IL1RAPL2: variants seen among roughly 807,000 people sequenced by gnomAD.
IL1RAPL2 encodes the protein X-linked interleukin-1 receptor accessory protein-like 2.
In IL1RAPL2, 3 loss-of-function variants were observed where a neutral mutation model predicts 44.1. The observed-to-expected ratio is 0.07, with a 90% confidence interval of 0.03 to 0.18. The LOEUF is 0.18. IL1RAPL2 is among the 10% of genes least tolerant of loss of function. The pLI, the probability that IL1RAPL2 is intolerant of heterozygous loss-of-function variation, is 1.00. For synonymous variants in IL1RAPL2, 181 were observed against 178.8 expected (o/e 1.01, Z -0.10); for missense variants, 391 against 496.4 (o/e 0.79, Z 2.02).
rs190063750 is a variant in IL1RAPL2, at chrX:105,025,742, C to T, written c.83-169733C>T. 2.9e-3 allele frequency among the ~76,000 whole-genome samples: 325 copies of T among 111,353 alleles called. 1 individual carries two copies. The highest frequency in any genetic ancestry group is 3.0e-3 in the Non-Finnish European group (158 of 52,886). On this transcript the variant is annotated intron_variant, in intron 2 of 10. Transcript: ENST00000372582. ...ATGCCTGTCAGTGTTTCTTGTAGTG[C>T]TTCCCTTTTTAAGGAATCCATTAAC...
chrX:105,652,674 C>T lies in IL1RAPL2; in HGVS notation c.773-64693C>T, dbSNP rs17347118. 5.9e-3 allele frequency among the ~76,000 whole-genome samples: 662 copies of T among 111,310 alleles called. 17 individuals are homozygous for T. The highest frequency in any genetic ancestry group is 0.046 in the Admixed American group (474 of 10,395). On this transcript the variant is annotated intron_variant, in intron 6 of 10. Coordinates refer to ENST00000372582, the MANE Select transcript of IL1RAPL2 (RefSeq NM_017416.2). ...AAGAGACCTTTTTTAACCAGTTGAA[C>T]TCCAGTAATGCCCCCTTCTCTGAAC...
chrX:105,654,734 A>G (rs779110939), intron 6 of IL1RAPL2, among the ~76,000 whole-genome samples: 1 of 111,890 alleles, frequency 8.9e-6, no homozygotes, highest in Non-Finnish European at 1.9e-5. Context: ...AACCAAAGTC[A>G]TGTTTCTGGC....
At chrX:105,453,189 A>G (rs1465698638) in intron 5 of IL1RAPL2, among the ~76,000 whole-genome samples, 1 of 111,800 alleles carries the variant, frequency 8.9e-6, no homozygotes, top group Non-Finnish European at 1.9e-5. Context: ...CCATCAATCA[A>G]AGGTCTTATA....
At chrX:105,269,554 A>G (rs1603041144) in intron 5 of IL1RAPL2, among the ~76,000 whole-genome samples, 1 of 111,623 alleles carries the variant, frequency 9.0e-6, no homozygotes, top group Admixed American at 9.6e-5. Context: ...AGCTTTCAAA[A>G]TAACTACCAT....
In IL1RAPL2 at chrX:104,579,245, G is replaced by A. The variant is rs145472266; in HGVS notation, c.-20+12194G>A. 5.3e-3 allele frequency among the ~76,000 whole-genome samples: 590 copies of A among 111,432 alleles called. 5 individuals are homozygous for A. Among genetic ancestry groups the A allele is most frequent in the African/African-American group, 0.018 (556 of 30,667 alleles). On this transcript the variant is annotated intron_variant, in intron 1 of 10. Coordinates refer to ENST00000372582, the MANE Select transcript of IL1RAPL2 (RefSeq NM_017416.2). ...ATTCAACTCAGCAATTCCATTACTG[G>A]GTACATGCCCAAAGAAATATAAATC...
At chrX:105,405,506 G>A in intron 5 of IL1RAPL2, 1 of 440,567 alleles carries the variant, frequency 2.3e-6, no homozygotes, top group Non-Finnish European at 4.1e-6. Flanking sequence ...TGAATCCCAG[G>A]TTTTAGCCAA....
intron 5 of IL1RAPL2, among the ~76,000 whole-genome samples, chrX:105,321,520 AG>A (rs2034897339): frequency 8.9e-6 from 1 of 112,445 alleles, no homozygotes; most frequent in Non-Finnish European, 1.9e-5. Flanking sequence ...CATTAAACCA[AG>A]CACAGGGCCC....
chrX:104,848,455 TAAAC>T (rs1264324545), intron 2 of IL1RAPL2, among the ~76,000 whole-genome samples: 4 of 88,747 alleles, frequency 4.5e-5, no homozygotes, highest in South Asian at 5.8e-4. Context: ...ATATATAACT[TAAAC>T]AATCTCTCTT....
At chrX:105,524,285 TATCAC>T (rs977008875) in intron 6 of IL1RAPL2, among the ~76,000 whole-genome samples, 1 of 111,289 alleles carries the variant, frequency 9.0e-6, no homozygotes, top group African/African-American at 3.3e-5. Context: ...TTATTCAATC[TATCAC>T]AACATTTGAA....
At chrX:104,616,047 G>A (rs373718823) in intron 1 of IL1RAPL2, among the ~76,000 whole-genome samples, 2 of 104,244 alleles carry the variant, frequency 1.9e-5, no homozygotes, top group East Asian at 2.8e-4. Context: ...TGTCTGTTCA[G>A]GTCCTTTGCC....
At chrX:105,640,685 TATATATAC>T (rs1196856104) in intron 6 of IL1RAPL2, among the ~76,000 whole-genome samples, 1 of 91,537 alleles carries the variant, frequency 1.1e-5, no homozygotes, top group Non-Finnish European at 2.1e-5. Context: ...TATATATATA[TATATATAC>T]ACACACATAT....
At chrX:104,865,019 G>T (rs770738902) in intron 2 of IL1RAPL2, among the ~76,000 whole-genome samples, 1 of 111,065 alleles carries the variant, frequency 9.0e-6, no homozygotes, top group Non-Finnish European at 1.9e-5. Context: ...CCCAGTGCCA[G>T]AATGCATAAT....
chrX:104,765,686 A>C (rs1357871591), intron 2 of IL1RAPL2, among the ~76,000 whole-genome samples: 2 of 112,024 alleles, frequency 1.8e-5, no homozygotes, highest in Non-Finnish European at 3.8e-5. Flanking sequence ...GGGAGTGACC[A>C]TTTACTTGCA....
chrX:104,876,644 T>G (rs1922905782), intron 2 of IL1RAPL2, among the ~76,000 whole-genome samples: 1 of 89,023 alleles, frequency 1.1e-5, no homozygotes, highest in South Asian at 5.1e-4. Flanking sequence ...CACTGTTATA[T>G]AGCTTTCTTT....
chrX:105,707,002 C>A (rs1476628712), intron 6 of IL1RAPL2, among the ~76,000 whole-genome samples: 2 of 111,303 alleles, frequency 1.8e-5, no homozygotes, highest in Non-Finnish European at 3.8e-5. Flanking sequence ...AACTTATGGA[C>A]ATGGGGAAAG....
At chrX:105,020,740 A>G (rs192209065) in intron 2 of IL1RAPL2, among the ~76,000 whole-genome samples, 1 of 111,363 alleles carries the variant, frequency 9.0e-6, no homozygotes, top group East Asian at 2.9e-4. Flanking sequence ...TTATCAGGTG[A>G]CAGAGATGCC....
At chrX:105,097,339 A>AAAACAAAC (rs1569381520) in intron 2 of IL1RAPL2, among the ~76,000 whole-genome samples, 1 of 105,434 alleles carries the variant, frequency 9.5e-6, no homozygotes, top group African/African-American at 3.5e-5. Flanking sequence ...ACAAAAAAAA[A>AAAACAAAC]AAAAAAAAAA....
At chrX:104,610,145 G>A (rs1929117051) in intron 1 of IL1RAPL2, among the ~76,000 whole-genome samples, 2 of 110,052 alleles carry the variant, frequency 1.8e-5, no homozygotes, top group African/African-American at 3.3e-5. Flanking sequence ...AATAATAAGA[G>A]CTATCTATGA....
intron 5 of IL1RAPL2, among the ~76,000 whole-genome samples, chrX:105,356,162 A>ATG (rs3037850): frequency 0.012 from 1,211 of 103,267 alleles, 12 homozygotes; most frequent in Middle Eastern, 0.024. Flanking sequence ...GTGTGTGTGT[A>ATG]TGTGTGTGTG....
Sources: allele counts gnomAD v4.1 joint callset (sites outside exome capture counted in the v4.1 genomes callset), GRCh38; gene constraint gnomAD v4.1.1; transcripts MANE v1.5; gene names NCBI Gene and HGNC (gene_info 2026-07-23, HGNC 2026-07-21).